TRPM5: variants seen among roughly 807,000 people sequenced by gnomAD.
The protein encoded by TRPM5 is MLSN1 and TRP-related.
Under a neutral mutation model 124.9 loss-of-function variants are expected in TRPM5, and 121 were observed. That is an observed-to-expected ratio of 0.97 (90% CI 0.84 to 1.13). The LOEUF (loss-of-function observed/expected upper bound fraction) is 1.13. Among genes scored for constraint, TRPM5 ranks in the 50% most tolerant of loss-of-function variants. The pLI is 0.00. For missense variants in TRPM5, 1,643 were observed against 1,589.1 expected (o/e 1.03, Z -0.58); for synonymous variants, 781 against 700.5 (o/e 1.11, Z -1.81).
chr11:2,412,213 A>T (rs1463550633), exon 16 of TRPM5: 2 of 1,613,574 alleles, frequency 1.2e-6, no homozygotes, highest in Non-Finnish European at 1.7e-6. Flanking sequence ...ATACAGTGTG[A>T]ACTTCTTCAC....
At chr11:2,415,121 C>A in exon 9 of TRPM5, 1 of 1,566,412 alleles carries the variant, frequency 6.4e-7, no homozygotes, top group South Asian at 1.2e-5. Context: ...CCCCGCTCAC[C>A]GCCCTCCTGC....
intron 7 of TRPM5, 43 bp downstream of exon 12, chr11:2,417,684 G>GCCC: frequency 6.7e-7 from 1 of 1,494,494 alleles, no homozygotes. Context: ...TGAGCATGAA[G>GCCC]CCCCCCAATG....
chr11:2,423,395 C>T (rs892797823), upstream of TRPM5, among the ~76,000 whole-genome samples: 1 of 152,208 alleles, frequency 6.6e-6, no homozygotes, highest in African/African-American at 2.4e-5. Context: ...CTCCAGAGGC[C>T]TTTTGTGGGG....
At chr11:2,434,802 G>A in the TRPM5 span, among the ~76,000 whole-genome samples, 1 of 152,110 alleles carries the variant, frequency 6.6e-6, no homozygotes, top group Non-Finnish European at 1.5e-5. Flanking sequence ...TGAGCATTGG[G>A]CCAGGAGGAC....
exon 18 of TRPM5, chr11:2,411,395 G>A: frequency 1.2e-6 from 2 of 1,610,864 alleles, no homozygotes; most frequent in East Asian, 2.2e-5. Context: ...TCTGCAGGTA[G>A]GGCCGGTAGA....
At chr11:2,418,485 A>G (rs1473440202) in intron 5 of TRPM5, 42 bp downstream of exon 10, 1 of 1,589,344 alleles carries the variant, frequency 6.3e-7, no homozygotes, top group East Asian at 2.3e-5. Context: ...GCACCCCTCC[A>G]CAAGGCTTCG....
intron 14 of TRPM5, 55 bp from the exon 20 acceptor site, chr11:2,413,067 C>A: frequency 6.5e-7 from 1 of 1,548,370 alleles, no homozygotes; most frequent in East Asian, 2.4e-5. Flanking sequence ...GGGTGCCCCA[C>A]CAGAGTCCAG....
chr11:2,432,665 T>A, the TRPM5 span, among the ~76,000 whole-genome samples: 153 of 151,986 alleles, frequency 1.0e-3, no homozygotes, highest in African/African-American at 3.4e-3. Flanking sequence ...GGCATTTTAT[T>A]TACAGAAAGA....
intron 18 of TRPM5, 74 bp downstream of exon 23, chr11:2,411,278 G>T: frequency 1.4e-6 from 2 of 1,450,502 alleles, no homozygotes; most frequent in Non-Finnish European, 1.8e-6. Context: ...TCTCTGGAGA[G>T]CCTCATGCCC....
intron 12 of TRPM5, 51 bp downstream of exon 17, chr11:2,414,010 C>CCCCCCCCCCCCCCCCCCCCCCCCCCA: frequency 2.4e-6 from 1 of 420,366 alleles, no homozygotes; most frequent in African/African-American, 2.4e-5. Context: ...GCCCAGCTCG[C>CCCCCCCCCCCCCCCCCCCCCCCCCCA]CCGCCCACCC....
chr11:2,423,173 G>C (rs545114553), upstream of TRPM5: 4 of 692,786 alleles, frequency 5.8e-6, no homozygotes, highest in South Asian at 5.4e-5. Flanking sequence ...AGGAGACCTG[G>C]GGACTGCCCC....
At chr11:2,411,766 T>C (rs1850456962) in exon 17 of TRPM5, 1 of 1,612,194 alleles carries the variant, frequency 6.2e-7, no homozygotes, top group African/African-American at 1.3e-5. Flanking sequence ...GACGGCAGCA[T>C]CCTGGAGGAT....
chr11:2,409,719 C>T (rs569967645), intron 18 of TRPM5, among the ~76,000 whole-genome samples: 25 of 152,244 alleles, frequency 1.6e-4, no homozygotes, highest in East Asian at 1.9e-4. Context: ...GGCAGCTGAA[C>T]GGAGCCCAAG....
chr11:2,417,632 C>T (rs1845704357), intron 7 of TRPM5, 95 bp downstream of exon 12: 12 of 929,460 alleles, frequency 1.3e-5, no homozygotes, highest in South Asian at 6.2e-5. Context: ...GGCGGCCGAG[C>T]GTCACAAACA....
chr11:2,412,085 G>A, intron 16 of TRPM5, 50 bp downstream of exon 21: 1 of 1,504,526 alleles, frequency 6.6e-7, no homozygotes, highest in Non-Finnish European at 9.2e-7. Flanking sequence ...TCATCTGGAA[G>A]CCTGCCCACA....
chr11:2,409,678 G>A (rs1425018505), intron 18 of TRPM5, among the ~76,000 whole-genome samples: 1 of 152,286 alleles, frequency 6.6e-6, no homozygotes, highest in East Asian at 1.9e-4. Flanking sequence ...GAGTGGCTGG[G>A]GTTCAACCTG....
At chr11:2,428,119 G>T in the TRPM5 span, among the ~76,000 whole-genome samples, 7 of 152,218 alleles carry the variant, frequency 4.6e-5, no homozygotes, top group Non-Finnish European at 2.9e-5. This position sits in a 1 kb window ranked among gnomAD's most constrained non-coding sequence, Gnocchi z 4.0. Flanking sequence ...ATCCTGCATA[G>T]CTGTTGAGCT....
exon 20 of TRPM5, chr11:2,407,136 T>C: frequency 6.3e-7 from 1 of 1,593,076 alleles, no homozygotes; most frequent in Non-Finnish European, 8.5e-7. Context: ...CTCCCGCTTG[T>C]GCTCAGCCTC....
intron 18 of TRPM5, among the ~76,000 whole-genome samples, chr11:2,408,702 G>A (rs1850376715): frequency 6.6e-6 from 1 of 152,184 alleles, no homozygotes; most frequent in Non-Finnish European, 1.5e-5. Context: ...CCAGCCTGCG[G>A]GGCAGGAGGA....
Sources: gnomAD v4.1 joint callset for allele counts (sites outside exome capture counted in the v4.1 genomes callset) on GRCh38, gnomAD v4.1.1 for gene constraint, Gnocchi (gnomAD v3.1) non-coding constraint, MANE v1.5 for transcripts, NCBI Gene and HGNC (gene_info 2026-07-23, HGNC 2026-07-21) for gene names.